The following BHMT variants were observed in gnomAD, a reference collection of about 807,000 sequenced individuals.
BHMT encodes betaine--homocysteine S-methyltransferase 1.
In BHMT, 38 loss-of-function variants were observed where a neutral mutation model predicts 49.5. The ratio of observed to expected loss-of-function variants is 0.77; its 90% CI spans 0.59 to 1.01. BHMT has a LOEUF of 1.01. Ranked by LOEUF, BHMT falls within the 50% of genes least tolerant of loss-of-function variation. The probability of loss-of-function intolerance (pLI) is 0.00; values close to 1 mark genes in which losing one functional copy is unlikely to be tolerated. For synonymous variants in BHMT, 166 were observed against 176.3 expected (o/e 0.94, Z 0.46); for missense variants, 426 against 495.7 (o/e 0.86, Z 1.34).
chr5:79,130,792 C>T, intron 7 of BHMT, 141 bp from the exon 8 acceptor site: 1 of 739,096 alleles, frequency 1.4e-6, no homozygotes, highest in African/African-American at 1.9e-5. Context: ...GACACCTTTG[C>T]TTTTTAATGT....
chr5:79,114,452 G>C (rs185464137), intron 1 of BHMT, among the ~76,000 whole-genome samples: 5 of 152,314 alleles, frequency 3.3e-5, no homozygotes, highest in Admixed American at 3.3e-4. Context: ...GAGGGGAAGA[G>C]AATGAAAATG....
At position 79,126,135 on chromosome 5, in the gene BHMT, C is replaced by A; in HGVS notation, c.715C>A (p.Arg239=). The change falls in exon 6 of 8, where the codon CGA becomes AGA. Residue 239 remains arginine, a synonymous_variant. Transcript: ENST00000274353. ...KLMKEGLEAA[R]LKAHLMSQPL... ...CATGAAGGAGGGCTTGGAGGCTGCC[C>A]GACTGAAAGCTCACCTGATGAGCCA... The A allele has an allele frequency of 6.2e-7, 1 of 1,613,498 alleles. No homozygotes were observed. Among genetic ancestry groups the A allele is most frequent in the South Asian group, 1.1e-5 (1 of 91,058 alleles).
chr5:79,119,380 G>A lies in BHMT; in HGVS notation c.285+3G>A. On this transcript the variant is annotated splice_donor_region_variant and intron_variant, in intron 3 of 7. Coordinates refer to ENST00000274353, the MANE Select transcript of BHMT (RefSeq NM_001713.3). ...ACTATGTCTTAGAGAAGATATCTGT[G>A]AGTAAAACCAGCCGTGGGACTTTTA... 6.2e-7 allele frequency: 1 copy of A among 1,601,828 alleles called. No individual in the cohort carries two copies. The highest frequency in any genetic ancestry group is 1.1e-5 in the South Asian group (1 of 90,144).
At position 79,115,725 on chromosome 5, in the gene BHMT, ACACT is replaced by A. The variant is rs1294654629; in HGVS notation, c.34-39_34-36del. 2.6e-6 allele frequency: 4 copies of A among 1,521,952 alleles called. No individual in the cohort carries two copies. In the African/African-American group the frequency reaches 5.6e-5, roughly 21 times the overall value. The allele number at this position is 1,521,952 out of a possible 1,614,324, so 94.3% of individuals were successfully genotyped here. Reference sequence around the variant, plus strand: ...TAATAAAAATAGAAAATTATCTTAAACACTCAAGTAACTCCTTTTCCTCCCTCAT... The same window carrying A: ...TAATAAAAATAGAAAATTATCTTAAACAAGTAACTCCTTTTCCTCCCTCAT... On this transcript the variant is annotated intron_variant, in intron 1 of 7. Transcript: ENST00000274353.
Position 79,115,862 on chromosome 5 carries a change from C to G in BHMT, c.129C>G (p.Pro43=), listed in dbSNP as rs763364284. 83 of 1,613,766 alleles carry G rather than the reference C, an allele frequency of 5.1e-5. No homozygotes were observed. The highest frequency in any genetic ancestry group is 6.6e-5 in the Non-Finnish European group (78 of 1,179,898). Reference sequence around the variant, plus strand: ...AGAGGGGCTACGTAAAGGCAGGACCCTGGACTCCTGAAGCTGCTGTGGAGC... The same window carrying G: ...AGAGGGGCTACGTAAAGGCAGGACCGTGGACTCCTGAAGCTGCTGTGGAGC... ...LEKRGYVKAG[P]WTPEAAVEHP... The change falls in exon 2 of 8, where the codon CCC becomes CCG. Residue 43 remains proline (P), a synonymous_variant. Transcript: ENST00000274353.
intron 1 of BHMT, among the ~76,000 whole-genome samples, chr5:79,112,666 A>G (rs539594448): frequency 1.3e-5 from 2 of 152,348 alleles, no homozygotes; most frequent in South Asian, 2.1e-4. Context: ...TGGCTGTAAG[A>G]TACTGAGGAA....
intron 2 of BHMT, 61 bp downstream of exon 2, chr5:79,115,960 G>A (rs1180547283): frequency 1.3e-6 from 2 of 1,506,278 alleles, no homozygotes; most frequent in African/African-American, 1.4e-5. Context: ...GCTCATGCCT[G>A]TAATCCCAGC....
chr5:79,121,041 C>G (rs1321676386), intron 4 of BHMT, among the ~76,000 whole-genome samples, 177 bp from the exon 5 acceptor site: 1 of 151,708 alleles, frequency 6.6e-6, no homozygotes, highest in Non-Finnish European at 1.5e-5. Context: ...ATCCCAGCTA[C>G]TTGGGAGGCG....
rs117840267 is a variant in BHMT, at chr5:79,121,076, G to C, written c.478-142G>C. On this transcript the variant is annotated intron_variant, in intron 4 of 7. Transcript: ENST00000274353. ...GGAGGCAGGAGAATTGCTTGAAACT[G>C]GGAGGCAAATGTTGCAGTGAGCCGA... 0.017 allele frequency: 16,640 copies of C among 989,250 alleles called. 894 individuals are homozygous for C. In the East Asian group the frequency reaches 0.21, roughly 12 times the overall value. The allele number at this position is 989,250 out of a possible 1,614,324, so 61.3% of individuals were successfully genotyped here. A position where few individuals can be genotyped will look rare whatever the true frequency, so the allele number is the denominator to read the frequency against.
chr5:79,115,768 G>A lies in BHMT; in HGVS notation c.35G>A (p.Gly12Asp), dbSNP rs1027095099. The change falls in exon 2 of 8, where the codon GGC becomes GAC. Residue 12 changes from glycine (G) to aspartate (D), a missense_variant and splice_region_variant. Physicochemically the swap from Gly to Asp is moderately conservative, Grantham distance 94. Transcript: ENST00000274353. ...PPVGGKKAKK[G>D]ILERLNAGEI... ...TTCCTCCCTCATCTGTAATTTTAGG[G>A]CATCCTAGAACGTTTAAATGCTGGA... is the stretch of plus-strand genomic sequence containing the variant. 1.3e-6 allele frequency: 2 copies of A among 1,597,200 alleles called. No individual in the cohort carries two copies. Among genetic ancestry groups the A allele is most frequent in the Admixed American group, 3.5e-5 (2 of 57,758 alleles).
At chr5:79,117,914 C>G (rs1241351465) in intron 2 of BHMT, among the ~76,000 whole-genome samples, 1 of 152,070 alleles carries the variant, frequency 6.6e-6, no homozygotes. Context: ...TTTTTTTCCA[C>G]TATCTTACAA....
chr5:79,113,678 C>T (rs1756340819), intron 1 of BHMT, among the ~76,000 whole-genome samples: 1 of 152,164 alleles, frequency 6.6e-6, no homozygotes, highest in Non-Finnish European at 1.5e-5. Context: ...GCTGATATTA[C>T]ATATACTGTT....
At position 79,132,014 on chromosome 5, in the gene BHMT, G is replaced by T. The variant is rs1231896505; in HGVS notation, c.*898G>T. ...GAGCAGAGTGAGCTTGTATTAGTTG[G>T]TAGCTTTTAAAAAATATAATAAGAA... On this transcript the variant is annotated 3_prime_UTR_variant, in exon 8 of 8. Coordinates refer to ENST00000274353, the MANE Select transcript of BHMT (RefSeq NM_001713.3). The T allele has an allele frequency of 2.0e-5, 3 of 152,146 alleles. No homozygotes were observed. Among genetic ancestry groups the T allele is most frequent in the Non-Finnish European group, 4.4e-5 (3 of 68,020 alleles). The allele number at this position is 152,146 out of a possible 1,614,324, so 9.4% of individuals were successfully genotyped here. A position where few individuals can be genotyped will look rare whatever the true frequency, so the allele number is the denominator to read the frequency against.
chr5:79,116,954 A>G (rs1419962412), intron 2 of BHMT, among the ~76,000 whole-genome samples: 1 of 152,178 alleles, frequency 6.6e-6, no homozygotes, highest in Non-Finnish European at 1.5e-5. Context: ...GCCCAAAGTT[A>G]TGGTTCTTGC....
At chr5:79,124,268 G>A (rs1290650785) in intron 5 of BHMT, among the ~76,000 whole-genome samples, 2 of 152,104 alleles carry the variant, frequency 1.3e-5, no homozygotes, top group Non-Finnish European at 2.9e-5. Flanking sequence ...GCTAAAATGC[G>A]CCAGATGCAG....
chr5:79,124,128 G>T (rs1756513783), intron 5 of BHMT, among the ~76,000 whole-genome samples: 1 of 152,064 alleles, frequency 6.6e-6, no homozygotes. Context: ...GTTACCAGGG[G>T]CTAGCAGAAG....
intron 2 of BHMT, chr5:79,116,128 G>C: frequency 2.6e-6 from 1 of 378,214 alleles, no homozygotes; most frequent in South Asian, 1.2e-4. Context: ...TGAGGCAGGA[G>C]GATCGCTTGA....
chr5:79,125,903 A>G, intron 5 of BHMT, 143 bp from the exon 6 acceptor site: 1 of 771,872 alleles, frequency 1.3e-6, no homozygotes, highest in African/African-American at 1.7e-5. Context: ...AGATCACGCT[A>G]CTGCACTCCA....
chr5:79,125,916 C>A, intron 5 of BHMT, 130 bp from the exon 6 acceptor site: 1 of 926,870 alleles, frequency 1.1e-6, no homozygotes, highest in Non-Finnish European at 1.6e-6. Context: ...GCACTCCAGC[C>A]TGGGCAACAG....
Sources: gnomAD v4.1 joint callset for allele counts (sites outside exome capture counted in the v4.1 genomes callset) on GRCh38, gnomAD v4.1.1 for gene constraint, MANE v1.5 for transcripts, NCBI Gene and HGNC (gene_info 2026-07-23, HGNC 2026-07-21) for gene names.